Variants in HIRIP3 observed in about 807,000 individuals in gnomAD.
HIRIP3 encodes HIRA-interacting protein 3.
In HIRIP3, 40 loss-of-function variants were observed where a neutral mutation model predicts 50.3. The ratio of observed to expected loss-of-function variants is 0.79; its 90% CI spans 0.62 to 1.03. The LOEUF (loss-of-function observed/expected upper bound fraction) is 1.03. HIRIP3 is among the 50% of genes least tolerant of loss of function. The pLI, the probability that HIRIP3 is intolerant of heterozygous loss-of-function variation, is 0.00. For synonymous variants in HIRIP3, 318 were observed against 261.6 expected (o/e 1.22, Z -2.08); for missense variants, 765 against 705.4 (o/e 1.08, Z -0.96).
At chr16:29,993,885 C>T (rs748140997) in intron 4 of HIRIP3, 21 bp downstream of exon 4, 6 of 1,589,254 alleles carry the variant, frequency 3.8e-6, no homozygotes, top group Admixed American at 3.5e-5. Context: ...ATAGTGGCCT[C>T]CCACCCCTCC....
At position 29,994,349 on chromosome 16, in the gene HIRIP3, G is replaced by C. The variant is rs761563175; in HGVS notation, c.796C>G (p.Arg266Gly). 2.5e-6 allele frequency: 4 copies of C among 1,613,834 alleles called. No individual in the cohort carries two copies. Among genetic ancestry groups the C allele is most frequent in the Non-Finnish European group, 3.4e-6 (4 of 1,180,016 alleles). ...DWKPRTRSNG[R>G]RKSAREERSC... Reference sequence around the variant, plus strand: ...CTCTCCTCCCTAGCTGACTTTCTCCGGCCATTGCTCCTGGTTCTGGGTTTC... The same window carrying C: ...CTCTCCTCCCTAGCTGACTTTCTCCCGCCATTGCTCCTGGTTCTGGGTTTC... The change falls in exon 4 of 7, where the codon CGG becomes GGG. Residue 266 changes from arginine (R) to glycine (G), a missense_variant. Physicochemically the swap from Arg to Gly is moderately radical, Grantham distance 125. Coordinates refer to ENST00000279392, the MANE Select transcript of HIRIP3 (RefSeq NM_003609.5).
At chr16:29,994,877 G>A in intron 3 of HIRIP3, 34 bp from the exon 4 acceptor site, 1 of 1,562,326 alleles carries the variant, frequency 6.4e-7, no homozygotes, top group Non-Finnish European at 8.6e-7. Context: ...GTTGAGACAG[G>A]CTCCTCCTGT....
Position 29,993,041 on chromosome 16 carries a change from C to T in HIRIP3, c.*166G>A. ...TTTATTGAGTCTTAAAAAATAAACA[C>T]CTTAAAGGGACAGCGTGAAGCTGAG... On this transcript the variant is annotated 3_prime_UTR_variant, in exon 7 of 7. Coordinates refer to ENST00000279392, the MANE Select transcript of HIRIP3 (RefSeq NM_003609.5). 5.5e-6 allele frequency: 3 copies of T among 547,720 alleles called. No homozygotes were observed. Among genetic ancestry groups the T allele is most frequent in the Non-Finnish European group, 9.1e-6 (3 of 330,328 alleles). The allele number at this position is 547,720 out of a possible 1,614,324, so 33.9% of individuals were successfully genotyped here.
At chr16:29,995,643 T>C (rs748426149), upstream of HIRIP3, 44 of 1,607,970 alleles carry the variant, frequency 2.7e-5, no homozygotes, top group Admixed American at 5.0e-5. Context: ...CGCCTTTTTT[T>C]CTTCTCGGCC....
Position 29,994,325 on chromosome 16 carries a change from TCTC to T in HIRIP3, c.817_819del (p.Glu273del). Reference sequence around the variant, plus strand: ...GCCTGGCTTTTCTGCTTACAGCTCCTCTCCTCCCTAGCTGACTTTCTCCGGCCA... The same window carrying T: ...GCCTGGCTTTTCTGCTTACAGCTCCTCTCCCTAGCTGACTTTCTCCGGCCA... On this transcript the variant is annotated inframe_deletion, in exon 4 of 7. Transcript: ENST00000279392. 6.2e-7 allele frequency: 1 copy of T among 1,614,156 alleles called. No homozygotes were observed. The highest frequency in any genetic ancestry group is 8.5e-7 in the Non-Finnish European group (1 of 1,180,028).
Position 29,994,015 on chromosome 16 carries a change from C to T in HIRIP3, c.1130G>A (p.Gly377Asp). ...REVSDSEAGGGPQGERKNRSS... is the reference protein window; with the variant it reads ...REVSDSEAGGDPQGERKNRSS... ...GCGGTTCTTCCTCTCCCCCTGGGGG[C>T]CTCCCCCTGCCTCGCTGTCACTTAC... Residue 377 changes from glycine (G) to aspartate (D), a missense_variant, in exon 4 of 7, where the codon GGC (glycine) becomes GAC (aspartate). Coordinates refer to ENST00000279392, the MANE Select transcript of HIRIP3 (RefSeq NM_003609.5). 1.9e-6 allele frequency: 3 copies of T among 1,603,208 alleles called. No individual in the cohort carries two copies. The highest frequency in any genetic ancestry group is 2.2e-5 in the East Asian group (1 of 44,804).
chr16:29,995,960 GA>G, upstream of HIRIP3: 1 of 566,212 alleles, frequency 1.8e-6, no homozygotes, highest in Non-Finnish European at 3.2e-6. Context: ...AGGCAGAAGA[GA>G]AAAGGCATCC....
At position 29,993,353 on chromosome 16, in the gene HIRIP3, T is replaced by C. The variant is rs200077356; in HGVS notation, c.1525A>G (p.Thr509Ala). 174 of 1,551,652 alleles carry C rather than the reference T, an allele frequency of 1.1e-4. 2 individuals carry two copies. The East Asian group carries it at 3.6e-3, about 32-fold the overall frequency. The change falls in exon 7 of 7, where the codon ACA becomes GCA. Residue 509 changes from threonine to alanine, a missense_variant. Coordinates refer to ENST00000279392, the MANE Select transcript of HIRIP3 (RefSeq NM_003609.5). Reference sequence around the variant, plus strand: ...GCTTCTCCTAAAGGGTTCCAGGCTGTACGTCTGCGTGGCCGGCCTAGGGGA... The same window carrying C: ...GCTTCTCCTAAAGGGTTCCAGGCTGCACGTCTGCGTGGCCGGCCTAGGGGA... ...ISGSGRPRRR[T>A]AWNPLGEAAP...
Position 29,995,180 on chromosome 16 carries a change from A to G in HIRIP3, c.224T>C (p.Leu75Pro), listed in dbSNP as rs2070061510. Reference sequence around the variant, plus strand: ...GGGAGGCCTCTTGCCCTTCTTGGTAAGGTCCAGTTTGTCTTCCCTGGAAGC... The same window carrying G: ...GGGAGGCCTCTTGCCCTTCTTGGTAGGGTCCAGTTTGTCTTCCCTGGAAGC... ...EAASREDKLD[L>P]TKKGKRPPTP... is the part of the protein sequence containing the mutation. The change falls in exon 3 of 7, where the codon CTT becomes CCT. Residue 75 changes from leucine to proline, a missense_variant. Transcript: ENST00000279392. 6.2e-7 allele frequency: 1 copy of G among 1,614,128 alleles called. No homozygotes were observed. The highest frequency in any genetic ancestry group is 8.5e-7 in the Non-Finnish European group (1 of 1,180,056).
rs1425572637 is a variant in HIRIP3 at position 29,995,492 on chromosome 16, C to T, written c.66-29G>A. The T allele has an allele frequency of 1.2e-5, 19 of 1,613,620 alleles. No homozygotes were observed. The South Asian group carries it at 2.0e-4, about 17-fold the overall frequency. ...CAGGGACATGGTGTCAGGACGGAGT[C>T]CCGACCCACCCGCGCCCTTTCCAAC... On this transcript the variant is annotated intron_variant, in intron 1 of 6. Transcript: ENST00000279392.
rs1459742216 is a variant in HIRIP3 at position 29,993,538 on chromosome 16, C to A, written c.1428G>T (p.Lys476Asn). 1.2e-6 allele frequency: 2 copies of A among 1,613,830 alleles called. No homozygotes were observed. Among genetic ancestry groups the A allele is most frequent in the Middle Eastern group, 1.7e-4 (1 of 6,054 alleles). The change falls in exon 6 of 7, where the codon AAG becomes AAT. Residue 476 changes from lysine to asparagine, a missense_variant. Lys to Asn is a moderately conservative substitution (Grantham distance 94, BLOSUM62 0). Transcript: ENST00000279392. ...LGMKGTPSLG[K>N]CRALKEQREE... ...CCCTCTGCTCCTTCAGGGCCCGACA[C>A]TTCCCTAGGGAAGGGGTACCTGGGG...
chr16:29,995,708 G>A, upstream of HIRIP3: 4 of 1,444,288 alleles, frequency 2.8e-6, no homozygotes, highest in South Asian at 2.4e-5. Flanking sequence ...GGCAACGTGG[G>A]GCGAGGGACC....
chr16:29,993,732 T>G lies in HIRIP3; in HGVS notation c.1316A>C (p.His439Pro). 1 of 1,609,304 alleles carries G rather than the reference T, an allele frequency of 6.2e-7. No homozygotes were observed. Among genetic ancestry groups the G allele is most frequent in the Middle Eastern group, 1.6e-4 (1 of 6,062 alleles). ...GCCCAACAGCTTCTTGTAGTTTCGATGGGCACCACAGGCCCGAATGTAGCG... is the reference window on the plus strand; with the variant it reads ...GCCCAACAGCTTCTTGTAGTTTCGAGGGGCACCACAGGCCCGAATGTAGCG... Reference protein sequence around the residue: ...LKRYIRACGAHRNYKKLLGSC... With the variant: ...LKRYIRACGAPRNYKKLLGSC... The change falls in exon 5 of 7, where the codon CAT becomes CCT. Residue 439 changes from histidine to proline, a missense_variant. His to Pro is a moderately conservative substitution (Grantham distance 77). Coordinates refer to ENST00000279392, the MANE Select transcript of HIRIP3 (RefSeq NM_003609.5).
rs1454200876 is a variant in HIRIP3, at chr16:29,993,034, A to C, written c.*173T>G. 4.0e-6 allele frequency: 2 copies of C among 494,842 alleles called. No individual in the cohort carries two copies. The highest frequency in any genetic ancestry group is 6.7e-6 in the Non-Finnish European group (2 of 298,200). 30.7% of individuals were successfully genotyped at this position (494,842 alleles called of 1,614,324 possible). A position where few individuals can be genotyped will look rare whatever the true frequency, so the allele number is the denominator to read the frequency against. On this transcript the variant is annotated 3_prime_UTR_variant, in exon 7 of 7. Coordinates refer to ENST00000279392, the MANE Select transcript of HIRIP3 (RefSeq NM_003609.5). ...ACACTCCTTTATTGAGTCTTAAAAA[A>C]TAAACACCTTAAAGGGACAGCGTGA...
chr16:29,994,401 T>G lies in HIRIP3; in HGVS notation c.744A>C (p.Lys248Asn). ...AATCCCCCTTTTCCTCATCCTCTTC[T>G]TTCTCTTCCTCCTCCACTTCCTCCT... is the stretch of plus-strand genomic sequence containing the variant. ...QREEEVEEEE[K>N]EEDEEKGDWK... Residue 248 changes from lysine (K) to asparagine (N), a missense_variant, in exon 4 of 7, where the codon AAA becomes AAC. Coordinates refer to ENST00000279392, the MANE Select transcript of HIRIP3 (RefSeq NM_003609.5). 6.2e-7 allele frequency: 1 copy of G among 1,614,028 alleles called. No individual in the cohort carries two copies. The highest frequency in any genetic ancestry group is 8.5e-7 in the Non-Finnish European group (1 of 1,179,968).
Position 29,995,379 on chromosome 16 carries a change from C to G in HIRIP3, c.150G>C (p.Leu50=). The change falls in exon 2 of 7, where the codon CTG becomes CTC. Residue 50 remains leucine (L), a synonymous_variant. Coordinates refer to ENST00000279392, the MANE Select transcript of HIRIP3 (RefSeq NM_003609.5). ...GCAGCTCCTCCTCCACCAGCCGCTT[C>G]AGTGCCTGCTTCTCCTCGGGCTCCA... is the stretch of plus-strand genomic sequence containing the variant. ...SHLEPEEKQA[L]KRLVEEELLK... is the part of the protein sequence containing the mutation. The G allele has an allele frequency of 6.2e-7, 1 of 1,613,266 alleles. No individual in the cohort carries two copies.
At chr16:29,995,650 G>A, upstream of HIRIP3, 1 of 1,603,328 alleles carries the variant, frequency 6.2e-7, no homozygotes, top group Non-Finnish European at 8.5e-7. Context: ...TTTTCTTCTC[G>A]GCCTCCGTCA....
Position 29,993,785 on chromosome 16 carries a change from C to T in HIRIP3, c.1263G>A (p.Glu421=). 6.2e-7 allele frequency: 1 copy of T among 1,611,796 alleles called. No homozygotes were observed. The highest frequency in any genetic ancestry group is 8.5e-7 in the Non-Finnish European group (1 of 1,179,990). ...TCAGCCTCATCACAGCCGGGTGGTC[C>T]TCTCCACGGCGACCTGAGCCAGCCT... is the stretch of plus-strand genomic sequence containing the variant. ...GGKAGSGRRG[E]DHPAVMRLKR... Residue 421 remains glutamate (E), a synonymous_variant, in exon 5 of 7, where the codon GAG becomes GAA. Coordinates refer to ENST00000279392, the MANE Select transcript of HIRIP3 (RefSeq NM_003609.5).
upstream of HIRIP3, chr16:29,995,720 T>C (rs996935872): frequency 2.6e-5 from 35 of 1,330,854 alleles, no homozygotes; most frequent in Admixed American, 7.4e-4. Flanking sequence ...CGAGGGACCG[T>C]TGGCCCTTGG....
Sources: allele counts gnomAD v4.1 joint callset, GRCh38; gene constraint gnomAD v4.1.1; transcripts MANE v1.5; gene names NCBI Gene and HGNC (gene_info 2026-07-23, HGNC 2026-07-21).